FTCDNL1: variants seen among roughly 807,000 people sequenced by gnomAD.
FTCDNL1 encodes formiminotransferase cyclodeaminase N-terminal like, also known as formiminotransferase N-terminal subdomain-containing protein.
A neutral mutation model predicts 5.9 loss-of-function variants in FTCDNL1; 11 were observed. The observed-to-expected ratio is 1.87, with a 90% CI of 1.18 to 3.10. FTCDNL1 has a LOEUF of 3.10. FTCDNL1 is among the 30% of genes most tolerant of loss of function. The pLI is 0.00. For missense variants in FTCDNL1, 115 were observed against 65.5 expected, an observed-to-expected ratio of 1.76 and a Z score of -2.61; for synonymous variants, 58 against 24.8, an observed-to-expected ratio of 2.34 and a Z score of -3.99.
chr2:199,799,783 C>T (rs570939580), intron 3 of FTCDNL1, among the ~76,000 whole-genome samples: 1 of 152,266 alleles, frequency 6.6e-6, no homozygotes, highest in South Asian at 2.1e-4. Flanking sequence ...CTGCACAACC[C>T]TAATACTCTT....
intron 3 of FTCDNL1, among the ~76,000 whole-genome samples, chr2:199,801,995 C>T (rs1463721684): frequency 6.6e-6 from 1 of 151,628 alleles, no homozygotes; most frequent in Non-Finnish European, 1.5e-5. Flanking sequence ...ACAGTAACAG[C>T]AGAACATTGA....
At chr2:199,805,280 T>G (rs567146819), downstream of FTCDNL1, among the ~76,000 whole-genome samples, 1 of 152,246 alleles carries the variant, frequency 6.6e-6, no homozygotes, top group South Asian at 2.1e-4. Context: ...AGAAGAAATG[T>G]GGTTTGCAGA....
At chr2:199,709,172 T>C in the FTCDNL1 span, among the ~76,000 whole-genome samples, 2 of 152,260 alleles carry the variant, frequency 1.3e-5, no homozygotes, top group South Asian at 4.1e-4. Context: ...AGTAAATTTA[T>C]GCATGTTACT....
At chr2:199,803,191 CAAA>C (rs71403491) in intron 3 of FTCDNL1, among the ~76,000 whole-genome samples, 5 of 70,612 alleles carry the variant, frequency 7.1e-5, no homozygotes, top group East Asian at 7.6e-4. Context: ...AATACCGTCT[CAAA>C]AAAAAAAAAA....
chr2:199,688,384 T>C, the FTCDNL1 span, among the ~76,000 whole-genome samples: 1 of 152,122 alleles, frequency 6.6e-6, no homozygotes, highest in Non-Finnish European at 1.5e-5. Flanking sequence ...AGAAGCTTCT[T>C]AGACCCCAGG....
chr2:199,731,757 G>A, the FTCDNL1 span, among the ~76,000 whole-genome samples: 1 of 151,442 alleles, frequency 6.6e-6, no homozygotes, highest in Non-Finnish European at 1.5e-5. Flanking sequence ...GCGTAGTGGC[G>A]GGCGCCTGTA....
chr2:199,754,339 C>A, the FTCDNL1 span, among the ~76,000 whole-genome samples: 1 of 152,084 alleles, frequency 6.6e-6, no homozygotes, highest in Non-Finnish European at 1.5e-5. Flanking sequence ...AGTGGCATGC[C>A]CCCTCCTAGT....
chr2:199,807,858 C>T (rs1221054336), downstream of FTCDNL1, among the ~76,000 whole-genome samples: 3 of 152,182 alleles, frequency 2.0e-5, no homozygotes, highest in Non-Finnish European at 4.4e-5. Context: ...TTATTTAGAA[C>T]ATATGGATGA....
At chr2:199,761,980 A>G (rs1425257213) in intron 3 of FTCDNL1, among the ~76,000 whole-genome samples, 1 of 152,206 alleles carries the variant, frequency 6.6e-6, no homozygotes, top group African/African-American at 2.4e-5. Flanking sequence ...TGGCTTCCCT[A>G]GGCCACATTG....
At chr2:199,764,058 T>C (rs767040492) in intron 3 of FTCDNL1, among the ~76,000 whole-genome samples, 32 of 152,100 alleles carry the variant, frequency 2.1e-4, no homozygotes, top group Non-Finnish European at 3.4e-4. Context: ...GCCAGGCTGG[T>C]CTCGAACTCC....
At chr2:199,708,938 C>T in the FTCDNL1 span, among the ~76,000 whole-genome samples, 1 of 151,924 alleles carries the variant, frequency 6.6e-6, no homozygotes, top group Non-Finnish European at 1.5e-5. Context: ...CCTCAGATAC[C>T]CTGAACACTG....
chr2:199,806,205 T>C (rs554477806), downstream of FTCDNL1, among the ~76,000 whole-genome samples: 3 of 152,282 alleles, frequency 2.0e-5, no homozygotes, highest in Admixed American at 6.5e-5. Flanking sequence ...AATTGTTTTA[T>C]CTATGAAAAA....
chr2:199,824,754 G>A (rs1701916425), intron 3 of FTCDNL1, among the ~76,000 whole-genome samples: 1 of 152,146 alleles, frequency 6.6e-6, no homozygotes, highest in African/African-American at 2.4e-5. Flanking sequence ...TGAAGCAGTT[G>A]GAATAACAAC....
chr2:199,777,299 A>C (rs955061486), intron 3 of FTCDNL1, among the ~76,000 whole-genome samples: 1 of 152,078 alleles, frequency 6.6e-6, no homozygotes, highest in African/African-American at 2.4e-5. Flanking sequence ...TCTCCAAAAA[A>C]AGAAAAAAAG....
At chr2:199,713,164 C>T in the FTCDNL1 span, among the ~76,000 whole-genome samples, 2 of 152,014 alleles carry the variant, frequency 1.3e-5, no homozygotes, top group South Asian at 4.2e-4. Flanking sequence ...GTTAATTTGT[C>T]ATGAGTGCTA....
At chr2:199,672,243 G>A in the FTCDNL1 span, among the ~76,000 whole-genome samples, 1 of 152,108 alleles carries the variant, frequency 6.6e-6, no homozygotes, top group African/African-American at 2.4e-5. Context: ...TGCAAGTTCT[G>A]AAGTTTCATA....
At chr2:199,844,575 C>G (rs1231800655) in intron 3 of FTCDNL1, 2 of 474,600 alleles carry the variant, frequency 4.2e-6, no homozygotes, top group Non-Finnish European at 7.7e-6. Flanking sequence ...CAGCTTTCAA[C>G]TGCATCTAAA....
At chr2:199,723,893 C>A in the FTCDNL1 span, among the ~76,000 whole-genome samples, 197 of 152,108 alleles carry the variant, frequency 1.3e-3, no homozygotes, top group Non-Finnish European at 2.4e-3. Flanking sequence ...ATGATGCTGG[C>A]CCCATAAAAT....
chr2:199,775,377 G>C (rs1699008833), intron 3 of FTCDNL1, among the ~76,000 whole-genome samples: 2 of 152,232 alleles, frequency 1.3e-5, no homozygotes, highest in South Asian at 4.1e-4. Flanking sequence ...CGGCCCATCA[G>C]AGTTGGCCCA....
Sources: gnomAD v4.1 joint callset for allele counts (sites outside exome capture counted in the v4.1 genomes callset) on GRCh38, gnomAD v4.1.1 for gene constraint, MANE v1.5 for transcripts, NCBI Gene and HGNC (gene_info 2026-07-23, HGNC 2026-07-21) for gene names.